Variants in ZFAND3 observed in about 807,000 individuals in gnomAD.
The protein encoded by ZFAND3 is zinc finger AN1-type containing 3.
In ZFAND3, 10 loss-of-function variants were observed where a neutral mutation model predicts 29.6. The observed-to-expected ratio is 0.34, with a 90% CI of 0.21 to 0.57. ZFAND3 has a LOEUF of 0.57. ZFAND3 is among the 20% of genes least tolerant of loss of function. The probability of loss-of-function intolerance (pLI) is 0.86; values close to 1 mark genes in which losing one functional copy is unlikely to be tolerated. For synonymous variants in ZFAND3, 128 were observed against 112.6 expected (o/e 1.14, Z -0.87); for missense variants, 230 against 304.5 (o/e 0.76, Z 1.82).
intron 2 of ZFAND3, among the ~76,000 whole-genome samples, chr6:37,932,018 C>T (rs1018561423): frequency 6.6e-6 from 1 of 152,174 alleles, no homozygotes; most frequent in Non-Finnish European, 1.5e-5. Context: ...CGCCTATAAT[C>T]CCAGCACTTT....
chr6:37,983,665 A>AT (rs1166893952), intron 2 of ZFAND3, among the ~76,000 whole-genome samples: 2 of 129,214 alleles, frequency 1.5e-5, no homozygotes, highest in African/African-American at 6.1e-5. Flanking sequence ...CCCTGGCCCC[A>AT]TTTTTTATCT....
At chr6:37,908,222 T>A (rs1765445277) in intron 1 of ZFAND3, among the ~76,000 whole-genome samples, 1 of 152,250 alleles carries the variant, frequency 6.6e-6, no homozygotes, top group African/African-American at 2.4e-5. Context: ...TGATTTGTTT[T>A]AGGTTAAACA....
intron 2 of ZFAND3, among the ~76,000 whole-genome samples, chr6:37,981,687 A>C (rs1301270194): frequency 4.6e-5 from 7 of 152,172 alleles, no homozygotes; most frequent in Non-Finnish European, 1.0e-4. Context: ...TGGGGAAATA[A>C]TATTATTTAA....
intron 1 of ZFAND3, among the ~76,000 whole-genome samples, chr6:37,863,524 G>T (rs1281063014): frequency 6.6e-6 from 1 of 151,950 alleles, no homozygotes; most frequent in Non-Finnish European, 1.5e-5. Context: ...CACACCAAAA[G>T]GTTGATAATA....
intron 1 of ZFAND3, among the ~76,000 whole-genome samples, chr6:37,914,562 A>G (rs1290420561): frequency 6.6e-6 from 1 of 151,680 alleles, no homozygotes; most frequent in Non-Finnish European, 1.5e-5. Context: ...TGGTCTTGAA[A>G]TCCTGGCCTC....
intron 1 of ZFAND3, among the ~76,000 whole-genome samples, chr6:37,904,397 C>T (rs1332244523): frequency 6.6e-6 from 1 of 152,138 alleles, no homozygotes; most frequent in East Asian, 1.9e-4. Context: ...AATCACCATT[C>T]CAATCACAGT....
chr6:38,111,860 GCT>G (rs1209033616), intron 4 of ZFAND3, among the ~76,000 whole-genome samples: 1 of 152,124 alleles, frequency 6.6e-6, no homozygotes, highest in Admixed American at 6.5e-5. Context: ...TCAAGGGTCA[GCT>G]GTATACGGGA....
chr6:37,916,087 TAAA>T (rs34769590), intron 1 of ZFAND3, among the ~76,000 whole-genome samples: 7 of 142,500 alleles, frequency 4.9e-5, no homozygotes, highest in East Asian at 2.1e-4. Flanking sequence ...TTTTTTAACT[TAAA>T]AAAAAAAAAA....
At chr6:38,146,166 C>T (rs1020517762) in intron 5 of ZFAND3, among the ~76,000 whole-genome samples, 4 of 62,058 alleles carry the variant, frequency 6.4e-5, no homozygotes, top group African/African-American at 2.8e-4. Flanking sequence ...TCCATGTGCC[C>T]CCTCGCGATG....
At chr6:37,849,791 G>A (rs992393179) in intron 1 of ZFAND3, among the ~76,000 whole-genome samples, 1 of 152,200 alleles carries the variant, frequency 6.6e-6, no homozygotes, top group Non-Finnish European at 1.5e-5. Flanking sequence ...AAGGGCAGCA[G>A]ATGGACTTCC....
At chr6:37,985,444 AT>A (rs1762649656) in intron 2 of ZFAND3, among the ~76,000 whole-genome samples, 3 of 151,928 alleles carry the variant, frequency 2.0e-5, no homozygotes, top group Admixed American at 2.0e-4. Context: ...CCTGGGCAAC[AT>A]GGTGAAACCC....
intron 2 of ZFAND3, among the ~76,000 whole-genome samples, chr6:38,044,961 A>T (rs946445049): frequency 3.4e-5 from 5 of 149,212 alleles, no homozygotes; most frequent in Admixed American, 3.3e-4. Context: ...TGGTTTTTCA[A>T]CTCCTCCTGT....
At chr6:37,911,570 C>CT (rs1343103266) in intron 1 of ZFAND3, among the ~76,000 whole-genome samples, 6 of 152,094 alleles carry the variant, frequency 3.9e-5, no homozygotes, top group Admixed American at 2.0e-4. Flanking sequence ...CCATCCCAGT[C>CT]TTTAAGTTGT....
chr6:38,094,602 G>C (rs1324083716), intron 4 of ZFAND3, among the ~76,000 whole-genome samples: 1 of 152,186 alleles, frequency 6.6e-6, no homozygotes, highest in East Asian at 1.9e-4. Flanking sequence ...GAAATAGGAA[G>C]ATTTAGCTTA....
At chr6:38,065,382 G>A (rs1042926033) in intron 3 of ZFAND3, among the ~76,000 whole-genome samples, 1 of 151,784 alleles carries the variant, frequency 6.6e-6, no homozygotes, top group Non-Finnish European at 1.5e-5. Context: ...CTGCACTTAA[G>A]GAGCAAAAAG....
At position 38,153,856 on chromosome 6, in the gene ZFAND3, A is replaced by G; in HGVS notation, c.*1467A>G. On this transcript the variant is annotated 3_prime_UTR_variant, in exon 6 of 6. Transcript: ENST00000287218. The stretch of plus-strand genomic sequence containing the variant: ...GGAGGCCCCTGCGGAGGCAGCGTGG[A>G]TCTGCCCACACATAGGCTACTGGAA... The G allele has an allele frequency of 2.0e-6, 2 of 985,516 alleles. No homozygotes were observed. Among genetic ancestry groups the G allele is most frequent in the Non-Finnish European group, 2.4e-6 (2 of 829,956 alleles). The allele number at this position is 985,516 out of a possible 1,614,324, so 61.0% of individuals were successfully genotyped here.
chr6:38,152,571 C>T lies in ZFAND3; in HGVS notation c.*182C>T. 2 of 1,270,620 alleles carry T rather than the reference C, an allele frequency of 1.6e-6. No homozygotes were observed. The highest frequency in any genetic ancestry group is 9.9e-7 in the Non-Finnish European group (1 of 1,008,746). The allele number at this position is 1,270,620 out of a possible 1,614,324, so 78.7% of individuals were successfully genotyped here. ...GGTTGATGGTGGTTGAAATTGATTT[C>T]TGGCTGGTTACTAAGGTGCCTGCTA... is the stretch of plus-strand genomic sequence containing the variant. On this transcript the variant is annotated 3_prime_UTR_variant, in exon 6 of 6. Coordinates refer to ENST00000287218, the MANE Select transcript of ZFAND3 (RefSeq NM_021943.3).
At chr6:38,144,223 A>ATTTTTTTT (rs1562016178) in intron 5 of ZFAND3, among the ~76,000 whole-genome samples, 1 of 69,690 alleles carries the variant, frequency 1.4e-5, no homozygotes, top group East Asian at 3.8e-4. Context: ...TATATAATAT[A>ATTTTTTTT]TATATATATT....
At chr6:38,006,550 T>C (rs1296238261) in intron 2 of ZFAND3, among the ~76,000 whole-genome samples, 1 of 152,128 alleles carries the variant, frequency 6.6e-6, no homozygotes, top group Non-Finnish European at 1.5e-5. Flanking sequence ...CTTTCTCTTA[T>C]GTATAACACA....
Sources: gnomAD v4.1 joint callset for allele counts (sites outside exome capture counted in the v4.1 genomes callset) on GRCh38, gnomAD v4.1.1 for gene constraint, MANE v1.5 for transcripts, NCBI Gene and HGNC (gene_info 2026-07-23, HGNC 2026-07-21) for gene names.